SPIRE1: variants seen among roughly 807,000 people sequenced by gnomAD.
The protein encoded by SPIRE1 is spire type actin nucleation factor 1.
In SPIRE1, 40 loss-of-function variants were observed where a neutral mutation model predicts 94.1. The ratio of observed to expected loss-of-function variants is 0.43; its 90% confidence interval spans 0.33 to 0.55. The LOEUF (loss-of-function observed/expected upper bound fraction) is 0.55, where lower values mean the gene tolerates loss of function less well. Ranked by LOEUF, SPIRE1 falls within the 20% of genes least tolerant of loss-of-function variation. The pLI is 0.06. For missense variants in SPIRE1, 838 were observed against 975.2 expected, an observed-to-expected ratio of 0.86 and a Z score of 1.87; for synonymous variants, 376 against 371.7, an observed-to-expected ratio of 1.01 and a Z score of -0.13.
chr18:12,604,621 C>A (rs2036921940), intron 2 of SPIRE1, among the ~76,000 whole-genome samples: 1 of 152,056 alleles, frequency 6.6e-6, no homozygotes, highest in African/African-American at 2.4e-5. Context: ...TCATTTATTT[C>A]TTCAAATATC....
chr18:12,566,101 C>T (rs1232390021), intron 2 of SPIRE1, among the ~76,000 whole-genome samples: 9 of 151,412 alleles, frequency 5.9e-5, no homozygotes, highest in South Asian at 4.2e-4. Flanking sequence ...TTTGGGAGGC[C>T]GAGGCTGGCA....
At chr18:12,619,056 G>T (rs545560681) in intron 2 of SPIRE1, among the ~76,000 whole-genome samples, 1 of 151,794 alleles carries the variant, frequency 6.6e-6, no homozygotes, top group Non-Finnish European at 1.5e-5. Context: ...GGCTAATTTT[G>T]TATTTTTAGT....
chr18:12,513,399 T>A (rs187842186), intron 4 of SPIRE1, among the ~76,000 whole-genome samples: 1,927 of 152,228 alleles, frequency 0.013, 42 homozygotes, highest in African/African-American at 0.044. Context: ...TTTAAAAAAA[T>A]TTTTCCCTAA....
In SPIRE1 at chr18:12,512,463, G is replaced by T. The variant is rs765878117; in HGVS notation, c.798C>A (p.Asn266Lys). ...CATTTCCAGCTCTTACCCAGTCAGC[G>T]TTTTTCAGCTCTTCCAAGTCTGTGC... is the stretch of plus-strand genomic sequence containing the variant. ...ESSTDLEELK[N>K]ADWARFWVQV... The change falls in exon 5 of 17, where the codon AAC becomes AAA. Residue 266 changes from asparagine (N) to lysine (K), a missense_variant. By Grantham distance (94) the Asn-to-Lys change is moderately conservative. This residue lies in a region of SPIRE1 where 645 missense variants were observed against 804.7 expected (regional missense o/e 0.80). Transcript: ENST00000409402. 1.2e-6 allele frequency: 2 copies of T among 1,609,970 alleles called. No individual in the cohort carries two copies. Among genetic ancestry groups the T allele is most frequent in the Non-Finnish European group, 8.5e-7 (1 of 1,176,878 alleles).
rs569844841 is a variant in SPIRE1 at position 12,540,717 on chromosome 18, T to C, written c.604-5116A>G. ...ATCACTGCATTCTGCATTTTCTTCT[T>C]AGCAATTGTTAGGATTTAAATTACA... is the stretch of plus-strand genomic sequence containing the variant. On this transcript the variant is annotated intron_variant, in intron 3 of 16. Transcript: ENST00000409402. Among the ~76,000 whole-genome samples the C allele has an allele frequency of 5.9e-5, 9 of 152,352 alleles. No individual in the cohort carries two copies. In the South Asian group the frequency reaches 1.9e-3, roughly 32 times the overall value.
intron 2 of SPIRE1, among the ~76,000 whole-genome samples, chr18:12,572,526 C>G (rs1339032606): frequency 6.6e-6 from 1 of 152,026 alleles, no homozygotes; most frequent in Non-Finnish European, 1.5e-5. Flanking sequence ...GCAAGAGGAT[C>G]GCTTGAGCCC....
Position 12,559,124 on chromosome 18 carries a change from G to A in SPIRE1, c.373-12220C>T, listed in dbSNP as rs926840565. Among the ~76,000 whole-genome samples, 2 of 151,432 alleles carry A rather than the reference G, an allele frequency of 1.3e-5. No individual in the cohort carries two copies. Among genetic ancestry groups the A allele is most frequent in the Non-Finnish European group, 3.0e-5 (2 of 67,700 alleles). ...GCGGTAGATGGGACCAGGCACCTTG[G>A]AGCAGGGGGAGGCGCCCCCTGGGGA... On this transcript the variant is annotated intron_variant, in intron 2 of 16. Transcript: ENST00000409402. This position sits in a 1 kb window ranked among gnomAD's most constrained non-coding sequence, Gnocchi z 4.7.
chr18:12,452,817 G>C (rs928826640), intron 14 of SPIRE1, among the ~76,000 whole-genome samples: 1 of 152,024 alleles, frequency 6.6e-6, no homozygotes, highest in Admixed American at 6.6e-5. Context: ...CATATTATTA[G>C]AATGATCTTA....
chr18:12,470,089 G>A (rs1217479530), intron 10 of SPIRE1, among the ~76,000 whole-genome samples: 1 of 151,778 alleles, frequency 6.6e-6, no homozygotes, highest in Non-Finnish European at 1.5e-5. Context: ...CTACAGACAT[G>A]TGCCACCATG....
chr18:12,619,423 G>T (rs1264296054), intron 2 of SPIRE1, among the ~76,000 whole-genome samples: 1 of 151,778 alleles, frequency 6.6e-6, no homozygotes, highest in African/African-American at 2.4e-5. Context: ...CAGGAGAATG[G>T]CGTGAACCTG....
chr18:12,487,553 C>T (rs530293659), intron 8 of SPIRE1, among the ~76,000 whole-genome samples: 107 of 152,048 alleles, frequency 7.0e-4, no homozygotes, highest in Middle Eastern at 3.4e-3. Flanking sequence ...TGCCACCAGG[C>T]CCAGCTAATT....
At chr18:12,553,020 AT>A (rs2035398585) in intron 2 of SPIRE1, among the ~76,000 whole-genome samples, 1 of 152,122 alleles carries the variant, frequency 6.6e-6, no homozygotes, top group Non-Finnish European at 1.5e-5. Context: ...TCTTGGCAGG[AT>A]TCATCACCTG....
At chr18:12,465,248 C>G (rs1393317121) in intron 10 of SPIRE1, among the ~76,000 whole-genome samples, 1 of 152,066 alleles carries the variant, frequency 6.6e-6, no homozygotes, top group Admixed American at 6.6e-5. Flanking sequence ...GTGATCTGGG[C>G]CCACTGCAGC....
chr18:12,643,522 C>T (rs754138681), intron 1 of SPIRE1, among the ~76,000 whole-genome samples: 1 of 152,188 alleles, frequency 6.6e-6, no homozygotes, highest in South Asian at 2.1e-4. Flanking sequence ...ATGAGACAAC[C>T]TAGCCAACAA....
At chr18:12,480,853 T>A (rs2032812944) in intron 9 of SPIRE1, among the ~76,000 whole-genome samples, 1 of 152,150 alleles carries the variant, frequency 6.6e-6, no homozygotes, top group African/African-American at 2.4e-5. Flanking sequence ...ATCGGTACAT[T>A]TATAAGTGAA....
intron 6 of SPIRE1, among the ~76,000 whole-genome samples, chr18:12,498,850 C>T (rs959593216): frequency 6.6e-6 from 1 of 152,148 alleles, no homozygotes; most frequent in African/African-American, 2.4e-5. Flanking sequence ...CTTGAATGTT[C>T]AGACTCAAGC....
intron 2 of SPIRE1, among the ~76,000 whole-genome samples, chr18:12,561,801 A>G (rs1306470225): frequency 6.6e-6 from 1 of 152,252 alleles, no homozygotes; most frequent in African/African-American, 2.4e-5. Flanking sequence ...ATAGTGAAAT[A>G]TATGAATATT....
intron 2 of SPIRE1, among the ~76,000 whole-genome samples, chr18:12,569,636 CAA>C (rs71172101): frequency 7.0e-6 from 1 of 142,020 alleles, no homozygotes; most frequent in African/African-American, 2.6e-5. Flanking sequence ...ACAACAACAA[CAA>C]AAAAAAAAAA....
chr18:12,634,619 A>G (rs2037871965), intron 2 of SPIRE1, among the ~76,000 whole-genome samples: 1 of 152,152 alleles, frequency 6.6e-6, no homozygotes, highest in South Asian at 2.1e-4. Flanking sequence ...TCCTAAACCT[A>G]GAAAACACAC....
Sources: gnomAD v4.1 joint callset for allele counts (sites outside exome capture counted in the v4.1 genomes callset) on GRCh38, gnomAD v4.1.1 for gene constraint, gnomAD v4.1.1 regional missense constraint, Gnocchi (gnomAD v3.1) non-coding constraint, MANE v1.5 for transcripts, NCBI Gene and HGNC (gene_info 2026-07-23, HGNC 2026-07-21) for gene names.